FAM110B: variants seen among roughly 807,000 people sequenced by gnomAD.
The protein encoded by FAM110B is family with sequence similarity 110 member B.
FAM110B carries 6 observed loss-of-function variants against 20.4 expected under a neutral mutation model. The observed-to-expected ratio is 0.29, with a 90% CI of 0.16 to 0.58. FAM110B has a LOEUF of 0.58. Among genes scored for constraint, FAM110B ranks in the 20% least tolerant of loss-of-function variants. The pLI, the probability that FAM110B is intolerant of heterozygous loss-of-function variation, is 0.90. For missense variants in FAM110B, 434 were observed against 498.2 expected (o/e 0.87, Z 1.23); for synonymous variants, 226 against 214.1 (o/e 1.06, Z -0.49).
At chr8:58,053,973 T>G (rs777658072) in intron 2 of FAM110B, among the ~76,000 whole-genome samples, 2 of 152,156 alleles carry the variant, frequency 1.3e-5, no homozygotes, top group Non-Finnish European at 2.9e-5. Context: ...TGGTGGAAGA[T>G]TTATGGACAG....
At chr8:58,092,106 C>T (rs1806495617) in intron 3 of FAM110B, among the ~76,000 whole-genome samples, 1 of 152,032 alleles carries the variant, frequency 6.6e-6, no homozygotes, top group African/African-American at 2.4e-5. Context: ...TTGAGCCTTC[C>T]TTTTTCATAT....
intron 3 of FAM110B, among the ~76,000 whole-genome samples, chr8:58,141,075 G>A (rs1389066161): frequency 1.3e-5 from 2 of 152,150 alleles, no homozygotes; most frequent in African/African-American, 2.4e-5. Flanking sequence ...TCACATTGCC[G>A]TGGGAAACTG....
intron 3 of FAM110B, among the ~76,000 whole-genome samples, chr8:58,105,693 C>T (rs1243089774): frequency 2.7e-5 from 4 of 150,430 alleles, no homozygotes; most frequent in South Asian, 4.2e-4. Flanking sequence ...TTCAGCCTCC[C>T]GAATAGCTGG....
At chr8:58,072,656 C>T (rs1301094948) in intron 2 of FAM110B, among the ~76,000 whole-genome samples, 3 of 152,152 alleles carry the variant, frequency 2.0e-5, no homozygotes, top group South Asian at 2.1e-4. Context: ...CGTTAAAATT[C>T]CATAGCTCTT....
intron 3 of FAM110B, among the ~76,000 whole-genome samples, chr8:58,124,099 A>C (rs1807432906): frequency 6.6e-6 from 1 of 152,196 alleles, no homozygotes; most frequent in Non-Finnish European, 1.5e-5. Context: ...AACCTAGTGA[A>C]GGAGACAAAG....
intron 1 of FAM110B, among the ~76,000 whole-genome samples, chr8:58,009,653 T>C (rs1380978948): frequency 6.6e-6 from 1 of 152,238 alleles, no homozygotes; most frequent in Non-Finnish European, 1.5e-5. Flanking sequence ...AGATAACATA[T>C]ATGGTTCACA....
Position 58,148,462 on chromosome 8 carries a change from A to G in FAM110B, c.*1119A>G, listed in dbSNP as rs529721286. 7 of 167,188 alleles carry G rather than the reference A, an allele frequency of 4.2e-5. No individual in the cohort carries two copies. In the South Asian group the frequency reaches 1.0e-3, roughly 25 times the overall value. 10.4% of individuals were successfully genotyped at this position (167,188 alleles called of 1,614,324 possible). On this transcript the variant is annotated 3_prime_UTR_variant, in exon 4 of 4. Coordinates refer to ENST00000519262, the MANE Select transcript of FAM110B (RefSeq NM_001377989.1). ...TAGGAAACTGTAGAAATACAATGCT[A>G]TGTAGCTTTTCCACCCCATGGTCTC... is the stretch of plus-strand genomic sequence containing the variant.
At chr8:58,071,339 C>G (rs975998852) in intron 2 of FAM110B, among the ~76,000 whole-genome samples, 1 of 152,168 alleles carries the variant, frequency 6.6e-6, no homozygotes, top group Admixed American at 6.5e-5. Flanking sequence ...AAATTGATGT[C>G]CTTCCCATAT....
At chr8:58,130,463 G>A (rs554657313) in intron 3 of FAM110B, among the ~76,000 whole-genome samples, 12 of 152,232 alleles carry the variant, frequency 7.9e-5, no homozygotes, top group African/African-American at 1.7e-4. Flanking sequence ...TAGAACCTGC[G>A]GTCACACCAG....
intron 3 of FAM110B, among the ~76,000 whole-genome samples, chr8:58,133,390 C>A (rs556318703): frequency 6.6e-6 from 1 of 152,132 alleles, no homozygotes; most frequent in Non-Finnish European, 1.5e-5. Context: ...ACTCTGCTGT[C>A]CGCCAGTATC....
chr8:58,026,952 A>G (rs1308526611), intron 1 of FAM110B, among the ~76,000 whole-genome samples: 1 of 151,534 alleles, frequency 6.6e-6, no homozygotes, highest in South Asian at 2.1e-4. Flanking sequence ...CCTGGATCCA[A>G]CTGTTTTTTG....
chr8:58,035,741 A>G (rs1029970499), intron 2 of FAM110B, among the ~76,000 whole-genome samples: 3 of 152,246 alleles, frequency 2.0e-5, no homozygotes, highest in Admixed American at 6.5e-5. Context: ...CAGTTAAACT[A>G]TAAAGAAAGA....
At position 57,994,721 on chromosome 8, in the gene FAM110B, G is replaced by A. The variant is rs1804142269; in HGVS notation, c.-597G>A. The A allele has an allele frequency of 6.6e-6, 1 of 152,242 alleles. No individual in the cohort carries two copies. The highest frequency in any genetic ancestry group is 2.1e-4 in the South Asian group (1 of 4,830). The allele number at this position is 152,242 out of a possible 1,614,324, so 9.4% of individuals were successfully genotyped here. ...CCGCTCTCGGCCCTTCGTCCCTCGCGGGCCCCGACTCTCCCTCCTTGCAGT... is the reference window on the plus strand; with the variant it reads ...CCGCTCTCGGCCCTTCGTCCCTCGCAGGCCCCGACTCTCCCTCCTTGCAGT... On this transcript the variant is annotated 5_prime_UTR_variant, in exon 1 of 4. Transcript: ENST00000519262.
chr8:58,002,814 ACT>A (rs1378583147), intron 1 of FAM110B, among the ~76,000 whole-genome samples: 1 of 151,994 alleles, frequency 6.6e-6, no homozygotes, highest in African/African-American at 2.4e-5. Flanking sequence ...AGCAAGTCAT[ACT>A]CTTTCTGCTG....
In FAM110B at chr8:58,146,244, C is replaced by T. The variant is rs1388293542; in HGVS notation, c.14C>T (p.Thr5Ile). MPTETLQTGSMVKPV... is the reference protein window; with the variant it reads MPTEILQTGSMVKPV... ...AGACCGCCCACCATGCCCACGGAGA[C>T]CCTACAGACAGGTAGCATGGTGAAG... Residue 5 changes from threonine (T) to isoleucine (I), a missense_variant, in exon 4 of 4, where the codon ACC becomes ATC. Transcript: ENST00000519262. 6.2e-7 allele frequency: 1 copy of T among 1,605,730 alleles called. No homozygotes were observed. The highest frequency in any genetic ancestry group is 8.5e-7 in the Non-Finnish European group (1 of 1,174,646).
At chr8:58,143,901 A>C (rs567866137) in intron 3 of FAM110B, among the ~76,000 whole-genome samples, 33 of 152,362 alleles carry the variant, frequency 2.2e-4, no homozygotes, top group African/African-American at 7.5e-4. Flanking sequence ...CGTTGGCCTA[A>C]GAACAGTCAG....
chr8:58,109,174 A>T (rs1245850620), intron 3 of FAM110B, among the ~76,000 whole-genome samples: 1 of 151,792 alleles, frequency 6.6e-6, no homozygotes, highest in Non-Finnish European at 1.5e-5. Flanking sequence ...GATGACTTCC[A>T]CTCCCATCCC....
intron 1 of FAM110B, among the ~76,000 whole-genome samples, chr8:58,005,626 G>T (rs1804388360): frequency 6.6e-6 from 1 of 152,302 alleles, no homozygotes; most frequent in Non-Finnish European, 1.5e-5. Context: ...AAACAGTGGT[G>T]TCGTTGATAC....
intron 3 of FAM110B, among the ~76,000 whole-genome samples, chr8:58,131,396 T>C (rs1803460693): frequency 6.6e-6 from 1 of 152,160 alleles, no homozygotes; most frequent in African/African-American, 2.4e-5. Flanking sequence ...TTAGCTGGGA[T>C]TCCAGGCATG....
Sources: allele counts gnomAD v4.1 joint callset (sites outside exome capture counted in the v4.1 genomes callset), GRCh38; gene constraint gnomAD v4.1.1; transcripts MANE v1.5; gene names NCBI Gene and HGNC (gene_info 2026-07-23, HGNC 2026-07-21).